Variants in LPAR3 observed in about 807,000 individuals in gnomAD.
LPAR3 encodes lysophosphatidic acid receptor 3, also known as LPA receptor 3.
In LPAR3, 7 loss-of-function variants were observed where a neutral mutation model predicts 17.8. The observed-to-expected ratio is 0.39, with a 90% confidence interval of 0.22 to 0.74. LPAR3 has a LOEUF of 0.74. LPAR3 is among the 30% of genes least tolerant of loss of function. LPAR3 has a pLI of 0.40. For missense variants in LPAR3, 391 were observed against 453.4 expected (o/e 0.86, Z 1.25); for synonymous variants, 179 against 179.9 (o/e 0.99, Z 0.04).
chr1:84,886,540 T>G (rs1265128113), intron 1 of LPAR3, among the ~76,000 whole-genome samples: 1 of 152,052 alleles, frequency 6.6e-6, no homozygotes, highest in African/African-American at 2.4e-5. Flanking sequence ...AAAATTAAAA[T>G]TAATAAATAT....
intron 1 of LPAR3, among the ~76,000 whole-genome samples, chr1:84,875,621 C>T (rs76157153): frequency 0.011 from 1,627 of 152,294 alleles, 38 homozygotes; most frequent in African/African-American, 0.037. Flanking sequence ...CTGAGAAATA[C>T]ATTTATTTTC....
chr1:84,879,288 T>G (rs947222375), intron 1 of LPAR3, among the ~76,000 whole-genome samples: 1 of 146,732 alleles, frequency 6.8e-6, no homozygotes, highest in Non-Finnish European at 1.5e-5. Flanking sequence ...AATCACATTT[T>G]CCTTTTCTTT....
intron 2 of LPAR3, among the ~76,000 whole-genome samples, chr1:84,860,323 T>C (rs890236224): frequency 9.2e-5 from 14 of 152,302 alleles, no homozygotes; most frequent in African/African-American, 2.4e-4. Context: ...TCTACTCTCC[T>C]TCCAAAGAGG....
chr1:84,880,506 C>A (rs1427116518), intron 1 of LPAR3, among the ~76,000 whole-genome samples: 1 of 152,174 alleles, frequency 6.6e-6, no homozygotes, highest in Non-Finnish European at 1.5e-5. Flanking sequence ...AGGGACAATG[C>A]CAGGCAGGTC....
chr1:84,873,644 T>G (rs1271220558), intron 1 of LPAR3, among the ~76,000 whole-genome samples: 1 of 152,210 alleles, frequency 6.6e-6, no homozygotes, highest in Non-Finnish European at 1.5e-5. Context: ...GGTTTCTGTA[T>G]CTTCATACTC....
chr1:84,828,204 T>C (rs1233784148), intron 2 of LPAR3, among the ~76,000 whole-genome samples: 1 of 152,142 alleles, frequency 6.6e-6, no homozygotes, highest in African/African-American at 2.4e-5. Context: ...GATATGCTGC[T>C]GTGAGTGTAC....
chr1:84,885,071 C>T (rs1660432657), intron 1 of LPAR3, among the ~76,000 whole-genome samples: 2 of 152,200 alleles, frequency 1.3e-5, no homozygotes, highest in South Asian at 4.1e-4. Flanking sequence ...CTCTCCTCCT[C>T]CCAGGGATTC....
intron 1 of LPAR3, among the ~76,000 whole-genome samples, chr1:84,878,044 C>T (rs892302160): frequency 6.7e-6 from 1 of 150,328 alleles, no homozygotes; most frequent in Non-Finnish European, 1.5e-5. Context: ...CTGAGAAATA[C>T]TTGTGACCTC....
intron 1 of LPAR3, 37 bp from the exon 2 acceptor site, chr1:84,866,175 G>GTTTC: frequency 6.8e-7 from 1 of 1,465,656 alleles, no homozygotes; most frequent in Non-Finnish European, 9.2e-7. Context: ...AATATCATTT[G>GTTTC]TAAAATCAGT....
chr1:84,833,318 C>T (rs1259296526), intron 2 of LPAR3, among the ~76,000 whole-genome samples: 5 of 152,130 alleles, frequency 3.3e-5, no homozygotes, highest in Non-Finnish European at 7.3e-5. Context: ...AACAATGACT[C>T]ATTTGGCATT....
At chr1:84,865,237 T>C (rs1341790364) in intron 2 of LPAR3, 148 bp downstream of exon 2, 3 of 741,372 alleles carry the variant, frequency 4.0e-6, no homozygotes, top group Non-Finnish European at 6.5e-6. Flanking sequence ...CTTATTAGAG[T>C]GTAAGCTCCA....
chr1:84,848,007 G>C (rs973575266), intron 2 of LPAR3, among the ~76,000 whole-genome samples: 2 of 152,156 alleles, frequency 1.3e-5, no homozygotes, highest in Non-Finnish European at 2.9e-5. Context: ...TCATCTAGGA[G>C]CTGCCACTTA....
intron 2 of LPAR3, among the ~76,000 whole-genome samples, chr1:84,831,678 A>T (rs1659285630): frequency 6.6e-6 from 1 of 151,790 alleles, no homozygotes; most frequent in Non-Finnish European, 1.5e-5. Flanking sequence ...ATGTGGTTTC[A>T]ATATATCTGA....
At chr1:84,890,698 T>G (rs1486014654) in intron 1 of LPAR3, among the ~76,000 whole-genome samples, 3 of 152,180 alleles carry the variant, frequency 2.0e-5, no homozygotes, top group Non-Finnish European at 4.4e-5. Flanking sequence ...CAGAAAGCAT[T>G]TGAACTAATG....
intron 1 of LPAR3, among the ~76,000 whole-genome samples, chr1:84,891,886 C>G (rs1032747982): frequency 6.6e-6 from 1 of 152,016 alleles, no homozygotes; most frequent in Non-Finnish European, 1.5e-5. Flanking sequence ...TAACAAATTA[C>G]GGGGGAAACA....
In LPAR3 at chr1:84,876,901, A is replaced by G. The variant is rs572216920; in HGVS notation, c.-18-10763T>C. On this transcript the variant is annotated intron_variant, in intron 1 of 2. Coordinates refer to ENST00000370611, the MANE Select transcript of LPAR3 (RefSeq NM_012152.3). ...TAGCACAATTCTTTTGATGTCCTCA[A>G]TGTCCCCGCACAAATACCAAAACCC... Among the ~76,000 whole-genome samples, 5 of 152,300 alleles carry G rather than the reference A, an allele frequency of 3.3e-5. No individual in the cohort carries two copies. The South Asian group carries it at 6.2e-4, about 19-fold the overall frequency.
In LPAR3 at chr1:84,871,742, T is replaced by C. The variant is rs1660161349; in HGVS notation, c.-18-5604A>G. On this transcript the variant is annotated intron_variant, in intron 1 of 2. Coordinates refer to ENST00000370611, the MANE Select transcript of LPAR3 (RefSeq NM_012152.3). ...ATGGAAGATTTAAATCCACATGAAA[T>C]CCCAGAGGTTCATTTTAGCCATAGT... Among the ~76,000 whole-genome samples the C allele has an allele frequency of 2.6e-5, 4 of 152,306 alleles. No homozygotes were observed. The South Asian group carries it at 8.3e-4, about 32-fold the overall frequency.
chr1:84,862,462 C>T (rs778344865), intron 2 of LPAR3, among the ~76,000 whole-genome samples: 19 of 152,222 alleles, frequency 1.2e-4, no homozygotes, highest in Non-Finnish European at 2.2e-4. Context: ...TGCTTAAACT[C>T]TCAGTTTCTC....
At chr1:84,834,019 C>T (rs1350693857) in intron 2 of LPAR3, among the ~76,000 whole-genome samples, 4 of 152,256 alleles carry the variant, frequency 2.6e-5, no homozygotes, top group Non-Finnish European at 5.9e-5. Context: ...TAAATTTAGT[C>T]ATTTAGAACA....
Sources: allele counts gnomAD v4.1 joint callset (sites outside exome capture counted in the v4.1 genomes callset), GRCh38; gene constraint gnomAD v4.1.1; transcripts MANE v1.5; gene names NCBI Gene and HGNC (gene_info 2026-07-23, HGNC 2026-07-21).